The following INPP4B variants were observed in gnomAD, a reference collection of about 807,000 sequenced individuals.
INPP4B encodes the protein inositol polyphosphate-4-phosphatase type II B.
INPP4B carries 55 observed loss-of-function variants against 122.5 expected under a neutral mutation model. That is an observed-to-expected ratio of 0.45 (90% confidence interval 0.36 to 0.56). The LOEUF is 0.56. Among genes scored for constraint, INPP4B ranks in the 20% least tolerant of loss-of-function variants. The pLI is 0.00. For synonymous variants in INPP4B, 403 were observed against 388.7 expected, an observed-to-expected ratio of 1.04 and a Z score of -0.43; for missense variants, 1,000 against 1,097.7, an observed-to-expected ratio of 0.91 and a Z score of 1.26.
At chr4:142,209,138 G>A in intron 12 of INPP4B, 112 bp from the exon 13 acceptor site, 1 of 717,698 alleles carries the variant, frequency 1.4e-6, no homozygotes, top group Non-Finnish European at 2.1e-6. Context: ...CTAATTCCCA[G>A]GAAAGTTCTA....
At chr4:142,526,907 T>C (rs894779196) in intron 2 of INPP4B, among the ~76,000 whole-genome samples, 6 of 152,032 alleles carry the variant, frequency 3.9e-5, no homozygotes, top group Non-Finnish European at 8.8e-5. Context: ...TAATCTGCAA[T>C]GAAAAAGCTT....
At chr4:142,703,370 G>A (rs1400715013) in intron 2 of INPP4B, among the ~76,000 whole-genome samples, 1 of 152,172 alleles carries the variant, frequency 6.6e-6, no homozygotes, top group Non-Finnish European at 1.5e-5. Context: ...CAGCAAGTTA[G>A]ATTCAATGGT....
At chr4:142,631,992 G>C (rs961859200) in intron 2 of INPP4B, among the ~76,000 whole-genome samples, 2 of 152,122 alleles carry the variant, frequency 1.3e-5, no homozygotes, top group Non-Finnish European at 2.9e-5. Flanking sequence ...ATATACCACA[G>C]GGAAAGGGTA....
Position 142,023,518 on chromosome 4 carries a change from A to G in INPP4B, c.*5264T>C, listed in dbSNP as rs1233593119. 2 of 152,216 alleles carry G rather than the reference A, an allele frequency of 1.3e-5. No homozygotes were observed. The highest frequency in any genetic ancestry group is 4.8e-5 in the African/African-American group (2 of 41,468). The allele number at this position is 152,216 out of a possible 1,614,324, so 9.4% of individuals were successfully genotyped here. ...TTATATGCAAACTTTTGAAAGTTTC[A>G]TAGTTGTTTAACAAAATATTTTTAA... On this transcript the variant is annotated 3_prime_UTR_variant, in exon 26 of 26. Transcript: ENST00000262992.
chr4:142,106,611 G>A (rs1476499987), intron 23 of INPP4B, among the ~76,000 whole-genome samples: 1 of 152,100 alleles, frequency 6.6e-6, no homozygotes, highest in East Asian at 1.9e-4. Context: ...TTTAAGTATA[G>A]CACTGAAAGT....
Position 142,217,745 on chromosome 4 carries a change from C to T in INPP4B, c.837-8719G>A, listed in dbSNP as rs756176799. ...TTTTGAGGGAGATTAACATTTGAAT[C>T]GGTAGCCTCAATAAGGCCCACTGCC... On this transcript the variant is annotated intron_variant, in intron 12 of 25. Coordinates refer to ENST00000262992, the MANE Select transcript of INPP4B (RefSeq NM_001101669.3). 8.5e-5 allele frequency among the ~76,000 whole-genome samples: 13 copies of T among 152,204 alleles called. No homozygotes were observed. In the East Asian group the frequency reaches 9.7e-4, roughly 11 times the overall value.
At chr4:142,284,279 C>G (rs1752501049) in intron 9 of INPP4B, among the ~76,000 whole-genome samples, 1 of 152,006 alleles carries the variant, frequency 6.6e-6, no homozygotes, top group South Asian at 2.1e-4. Flanking sequence ...CGCTGATACA[C>G]ATGATCTAGC....
chr4:142,222,965 G>A lies in INPP4B; in HGVS notation c.837-13939C>T, dbSNP rs151296249. 4.6e-3 allele frequency among the ~76,000 whole-genome samples: 696 copies of A among 152,182 alleles called. 4 individuals carry two copies. Among genetic ancestry groups the A allele is most frequent in the African/African-American group, 0.016 (658 of 41,528 alleles). On this transcript the variant is annotated intron_variant, in intron 12 of 25. Coordinates refer to ENST00000262992, the MANE Select transcript of INPP4B (RefSeq NM_001101669.3). Reference sequence around the variant, plus strand: ...GGTTCTTTACATAAATGTTAGGCATGGTTTCCACATTTTAAAGGCATATGA... The same window carrying A: ...GGTTCTTTACATAAATGTTAGGCATAGTTTCCACATTTTAAAGGCATATGA...
intron 7 of INPP4B, among the ~76,000 whole-genome samples, chr4:142,401,383 G>A (rs967935119): frequency 1.3e-5 from 2 of 152,056 alleles, no homozygotes; most frequent in African/African-American, 4.8e-5. Context: ...AAAGAAGTTG[G>A]AAAGGAAAAG....
At chr4:142,343,172 C>T (rs1779223990) in intron 7 of INPP4B, among the ~76,000 whole-genome samples, 1 of 152,066 alleles carries the variant, frequency 6.6e-6, no homozygotes, top group African/African-American at 2.4e-5. Flanking sequence ...TCAACTCAAA[C>T]ATGCTAATTA....
intron 2 of INPP4B, among the ~76,000 whole-genome samples, chr4:142,591,878 G>A (rs1188989921): frequency 6.6e-6 from 1 of 152,132 alleles, no homozygotes; most frequent in Non-Finnish European, 1.5e-5. Context: ...AAAGAAATGT[G>A]AGAAACTGTC....
At chr4:142,440,652 G>A (rs932757785) in intron 3 of INPP4B, among the ~76,000 whole-genome samples, 1 of 152,116 alleles carries the variant, frequency 6.6e-6, no homozygotes, top group African/African-American at 2.4e-5. Flanking sequence ...TTCACTCCTT[G>A]CCTTCACTTT....
At chr4:142,422,538 C>G (rs2149318538) in intron 5 of INPP4B, among the ~76,000 whole-genome samples, 1 of 152,150 alleles carries the variant, frequency 6.6e-6, no homozygotes, top group South Asian at 2.1e-4. Context: ...GGTGTGGTGG[C>G]TCATGCCTGT....
chr4:142,813,031 T>C (rs75249908), intron 1 of INPP4B, among the ~76,000 whole-genome samples: 5,499 of 152,264 alleles, frequency 0.036, 113 homozygotes, highest in African/African-American at 0.045. Context: ...CTCATGTTCT[T>C]GTGAGCTAAC....
chr4:142,641,069 C>T (rs952705116), intron 2 of INPP4B, among the ~76,000 whole-genome samples: 2 of 151,956 alleles, frequency 1.3e-5, no homozygotes, highest in African/African-American at 4.8e-5. Context: ...AATTGCACTC[C>T]TAGGTATAAT....
intron 21 of INPP4B, among the ~76,000 whole-genome samples, chr4:142,113,568 T>G (rs1314710083): frequency 6.6e-6 from 1 of 152,008 alleles, no homozygotes; most frequent in East Asian, 1.9e-4. Flanking sequence ...CTCTGAGACT[T>G]GTTTCTTTCT....
chr4:142,632,423 C>G (rs1748170366), intron 2 of INPP4B, among the ~76,000 whole-genome samples: 1 of 151,568 alleles, frequency 6.6e-6, no homozygotes, highest in African/African-American at 2.4e-5. Context: ...CTGGTGATTA[C>G]CAAAGATTGG....
intron 12 of INPP4B, among the ~76,000 whole-genome samples, chr4:142,212,744 C>T (rs1845447280): frequency 6.6e-6 from 1 of 152,148 alleles, no homozygotes; most frequent in South Asian, 2.1e-4. Context: ...AGGATTCTAA[C>T]TGGCAAAGTA....
chr4:142,522,902 T>C (rs991283574), intron 2 of INPP4B, among the ~76,000 whole-genome samples: 1 of 152,148 alleles, frequency 6.6e-6, no homozygotes, highest in Non-Finnish European at 1.5e-5. Flanking sequence ...GTAACTTGCA[T>C]GTAAAGGGTG....
Sources: gnomAD v4.1 joint callset for allele counts (sites outside exome capture counted in the v4.1 genomes callset) on GRCh38, gnomAD v4.1.1 for gene constraint, MANE v1.5 for transcripts, NCBI Gene and HGNC (gene_info 2026-07-23, HGNC 2026-07-21) for gene names.